Variants in RIT2 observed in about 807,000 individuals in gnomAD.
RIT2 encodes the protein GTP-binding protein Rit2.
Under a neutral mutation model 23.7 loss-of-function variants are expected in RIT2, and 24 were observed. The ratio of observed to expected loss-of-function variants is 1.01; its 90% CI spans 0.73 to 1.43. The LOEUF (loss-of-function observed/expected upper bound fraction) is 1.43. Among genes scored for constraint, RIT2 ranks in the 40% most tolerant of loss-of-function variants. The pLI, the probability that RIT2 is intolerant of heterozygous loss-of-function variation, is 0.00. For synonymous variants in RIT2, 107 were observed against 91.1 expected (o/e 1.17, Z -0.99); for missense variants, 236 against 266.9 (o/e 0.88, Z 0.81).
chr18:43,105,684 A>G (rs1016506258), intron 1 of RIT2, among the ~76,000 whole-genome samples: 3 of 152,316 alleles, frequency 2.0e-5, no homozygotes, highest in Admixed American at 6.5e-5. Context: ...TGCAACGTCA[A>G]GTGTTGTTAA....
intron 1 of RIT2, among the ~76,000 whole-genome samples, chr18:43,101,912 A>G (rs764824590): frequency 3.4e-4 from 51 of 152,222 alleles, no homozygotes; most frequent in Admixed American, 2.6e-3. Context: ...GTGGGTAGCT[A>G]GCTAAACAAA....
At chr18:42,788,395 G>A (rs912638389) in intron 4 of RIT2, among the ~76,000 whole-genome samples, 3 of 152,104 alleles carry the variant, frequency 2.0e-5, no homozygotes, top group Non-Finnish European at 4.4e-5. Context: ...AAGTTCTATT[G>A]CAATGTGGAA....
chr18:42,749,950 C>T (rs1913008245), intron 4 of RIT2, among the ~76,000 whole-genome samples: 1 of 151,696 alleles, frequency 6.6e-6, no homozygotes, highest in Non-Finnish European at 1.5e-5. Context: ...AACAAAAACA[C>T]TGAAAGCAAC....
chr18:42,837,986 T>C (rs771830605), intron 4 of RIT2, among the ~76,000 whole-genome samples: 2 of 152,120 alleles, frequency 1.3e-5, no homozygotes, highest in Non-Finnish European at 2.9e-5. Flanking sequence ...GAGTGACTTT[T>C]TGGGGAGAAA....
intron 4 of RIT2, among the ~76,000 whole-genome samples, chr18:42,863,764 G>A (rs1907394084): frequency 6.6e-6 from 1 of 152,034 alleles, no homozygotes; most frequent in African/African-American, 2.4e-5. Context: ...CAAAAGCTTT[G>A]AATATGGCTA....
chr18:43,110,008 A>G (rs1913916890), intron 1 of RIT2, among the ~76,000 whole-genome samples: 1 of 152,088 alleles, frequency 6.6e-6, no homozygotes, highest in South Asian at 2.1e-4. Context: ...TGACTTTCCT[A>G]CTAGACAAAT....
chr18:42,997,956 A>T (rs1462456191), intron 2 of RIT2, among the ~76,000 whole-genome samples: 3 of 152,152 alleles, frequency 2.0e-5, no homozygotes, highest in African/African-American at 4.8e-5. Context: ...TTTCAGTGAA[A>T]AACAATGGAA....
At chr18:42,966,572 A>G (rs1400723549) in intron 3 of RIT2, among the ~76,000 whole-genome samples, 8 of 152,186 alleles carry the variant, frequency 5.3e-5, no homozygotes, top group African/African-American at 1.9e-4. Context: ...TTTTGATAAA[A>G]ACATTCACTA....
chr18:42,787,435 GA>G (rs57497009), intron 4 of RIT2, among the ~76,000 whole-genome samples: 31 of 150,290 alleles, frequency 2.1e-4, no homozygotes, highest in African/African-American at 6.6e-4. Flanking sequence ...TTTAAAAAAA[GA>G]AAAAAAAAGA....
At chr18:42,933,284 G>A (rs1158230324) in intron 3 of RIT2, among the ~76,000 whole-genome samples, 1 of 151,810 alleles carries the variant, frequency 6.6e-6, no homozygotes, top group Non-Finnish European at 1.5e-5. Flanking sequence ...AGAAAATTGG[G>A]AGAAAAATGT....
chr18:43,014,172 A>G (rs1911417479), intron 2 of RIT2, among the ~76,000 whole-genome samples: 1 of 151,862 alleles, frequency 6.6e-6, no homozygotes, highest in Non-Finnish European at 1.5e-5. Context: ...AATAGGCTTT[A>G]ACTAAGCAAA....
At chr18:43,099,590 T>C (rs1343419733) in intron 1 of RIT2, among the ~76,000 whole-genome samples, 1 of 152,140 alleles carries the variant, frequency 6.6e-6, no homozygotes, top group African/African-American at 2.4e-5. Flanking sequence ...CCCTACAGCA[T>C]AGGTTCTGTT....
intron 4 of RIT2, among the ~76,000 whole-genome samples, chr18:42,764,599 G>A (rs1792763149): frequency 6.6e-6 from 1 of 152,074 alleles, no homozygotes; most frequent in Admixed American, 6.6e-5. Flanking sequence ...ATCTTTCCAG[G>A]TACCTTATAG....
chr18:43,077,813 T>G (rs762867470), intron 1 of RIT2, among the ~76,000 whole-genome samples: 6 of 152,220 alleles, frequency 3.9e-5, no homozygotes, highest in Non-Finnish European at 7.3e-5. Context: ...TATTAGAGAT[T>G]AAAACAGTAA....
chr18:42,991,694 A>G (rs948494071), intron 2 of RIT2, among the ~76,000 whole-genome samples: 2 of 152,008 alleles, frequency 1.3e-5, no homozygotes, highest in Non-Finnish European at 2.9e-5. Context: ...TGATGACATT[A>G]TCTTGTGAAA....
rs186313364 is a variant in RIT2 at position 42,743,468 on chromosome 18, C to T, written c.*25G>A. The T allele has an allele frequency of 1.0e-3, 1,562 of 1,501,096 alleles. 15 individuals carry two copies. The African/African-American group carries it at 0.013, about 13-fold the overall frequency. 93.0% of individuals were successfully genotyped at this position (1,501,096 alleles called of 1,614,324 possible). On this transcript the variant is annotated 3_prime_UTR_variant, in exon 5 of 5. Coordinates refer to ENST00000326695, the MANE Select transcript of RIT2 (RefSeq NM_002930.4). The stretch of plus-strand genomic sequence containing the variant: ...TGTCCAACTAATAAAATTCAGAGAG[C>T]GTGAGGAACTCAAAAGCAAAGATAT...
At chr18:42,933,469 C>T (rs1056692417) in intron 3 of RIT2, among the ~76,000 whole-genome samples, 1 of 152,080 alleles carries the variant, frequency 6.6e-6, no homozygotes, top group African/African-American at 2.4e-5. Context: ...ATAATTCCCA[C>T]ATCCTGGAAG....
intron 4 of RIT2, among the ~76,000 whole-genome samples, chr18:42,752,075 G>T (rs1044861607): frequency 1.3e-5 from 2 of 151,666 alleles, no homozygotes; most frequent in Non-Finnish European, 2.9e-5. Flanking sequence ...CAAAAAAAAA[G>T]CCCCAAAATA....
At chr18:42,907,468 A>G (rs1908653275) in intron 4 of RIT2, among the ~76,000 whole-genome samples, 1 of 152,186 alleles carries the variant, frequency 6.6e-6, no homozygotes, top group African/African-American at 2.4e-5. Context: ...ATTTTTACAC[A>G]TGCATTTGGA....
Sources: gnomAD v4.1 joint callset for allele counts (sites outside exome capture counted in the v4.1 genomes callset) on GRCh38, gnomAD v4.1.1 for gene constraint, MANE v1.5 for transcripts, NCBI Gene and HGNC (gene_info 2026-07-23, HGNC 2026-07-21) for gene names.